The following SORL1 variants were observed in gnomAD, a reference collection of about 807,000 sequenced individuals.
The protein encoded by SORL1 is sortilin related receptor 1, also known as sortilin-related receptor.
A neutral mutation model predicts 273.7 loss-of-function variants in SORL1; 127 were observed. The observed-to-expected ratio is 0.46, with a 90% CI of 0.40 to 0.54. The LOEUF (loss-of-function observed/expected upper bound fraction) is 0.54. Ranked by LOEUF, SORL1 falls within the 20% of genes least tolerant of loss-of-function variation. The pLI, the probability that SORL1 is intolerant of heterozygous loss-of-function variation, is 0.00. For synonymous variants in SORL1, 1,031 were observed against 1,067.4 expected (o/e 0.97, Z 0.66); for missense variants, 2,494 against 2,846.1 (o/e 0.88, Z 2.81).
At chr11:121,545,823 G>A (rs1414341802) in intron 14 of SORL1, among the ~76,000 whole-genome samples, 1 of 152,224 alleles carries the variant, frequency 6.6e-6, no homozygotes, top group African/African-American at 2.4e-5. Context: ...GTGTGTATAT[G>A]TGTGTGTGTT....
intron 3 of SORL1, 89 bp downstream of exon 3, chr11:121,478,332 G>A (rs1379900010): frequency 8.5e-6 from 12 of 1,415,884 alleles, no homozygotes; most frequent in South Asian, 5.2e-5. Flanking sequence ...AGGAGATGGC[G>A]CTCTCTGTGA....
chr11:121,573,733 G>T, intron 23 of SORL1, among the ~76,000 whole-genome samples: 1 of 152,144 alleles, frequency 6.6e-6, no homozygotes, highest in East Asian at 1.9e-4. Context: ...ATTTCCCCAG[G>T]AAGAGGTAGA....
chr11:121,525,634 G>A (rs1249956805), intron 11 of SORL1, among the ~76,000 whole-genome samples: 2 of 152,162 alleles, frequency 1.3e-5, no homozygotes, highest in Non-Finnish European at 2.9e-5. Flanking sequence ...ATAAGCATGT[G>A]ATAATATCTC....
intron 23 of SORL1, among the ~76,000 whole-genome samples, chr11:121,571,149 T>C (rs985529818): frequency 2.0e-5 from 3 of 152,238 alleles, no homozygotes; most frequent in African/African-American, 7.2e-5. Flanking sequence ...GGCACTGCGA[T>C]GCGGAAGTGT....
At chr11:121,628,969 A>C (rs1863837264) in intron 47 of SORL1, 1 of 153,896 alleles carries the variant, frequency 6.5e-6, no homozygotes, top group Admixed American at 6.4e-5. Flanking sequence ...ACCCATCAGC[A>C]TACCCTGCGA....
chr11:121,520,142 A>C lies in SORL1; in HGVS notation c.1212-515A>C, dbSNP rs572030825. 2.0e-5 allele frequency among the ~76,000 whole-genome samples: 3 copies of C among 152,280 alleles called. No individual in the cohort carries two copies. In the East Asian group the frequency reaches 5.8e-4, roughly 29 times the overall value. On this transcript the variant is annotated intron_variant, in intron 8 of 47. Coordinates refer to ENST00000260197, the MANE Select transcript of SORL1 (RefSeq NM_003105.6). The stretch of plus-strand genomic sequence containing the variant: ...GTGGCACACACCTGTAGTCCCAGCT[A>C]CTTGGGAGGCTGAGGTGTGAGGATC...
In SORL1 at chr11:121,611,950, G is replaced by T. The variant is rs1024522684; in HGVS notation, c.5323-786G>T. On this transcript the variant is annotated intron_variant, in intron 39 of 47. Transcript: ENST00000260197. ...GAGGTCGGGAGTTCGAGACCAGCCT[G>T]GCCAACATGGTGAAACCCCGTCTCT... 5.2e-5 allele frequency: 8 copies of T among 152,388 alleles called. No homozygotes were observed. In the East Asian group the frequency reaches 1.4e-3, roughly 26 times the overall value. 9.4% of individuals were successfully genotyped at this position (152,388 alleles called of 1,614,324 possible).
chr11:121,561,391 C>G (rs1862671510), intron 21 of SORL1, among the ~76,000 whole-genome samples: 1 of 152,170 alleles, frequency 6.6e-6, no homozygotes, highest in African/African-American at 2.4e-5. Flanking sequence ...TGTCTTGGTG[C>G]CAGTCAGACA....
In SORL1 at chr11:121,514,238, G is replaced by A. The variant is rs766877110; in HGVS notation, c.1128G>A (p.Glu376=). 2 of 1,614,206 alleles carry A rather than the reference G, an allele frequency of 1.2e-6. No homozygotes were observed. Among genetic ancestry groups the A allele is most frequent in the South Asian group, 2.2e-5 (2 of 91,088 alleles). ...ACCGCACCAATTTATACATCTCAGA[G>A]GCAGAGGGGCTGAAGTTCTCCCTGT... is the stretch of plus-strand genomic sequence containing the variant. ...SNNRTNLYIS[E]AEGLKFSLSL... The change falls in exon 8 of 48, where the codon GAG becomes GAA. Residue 376 remains glutamate (E), a synonymous_variant. Transcript: ENST00000260197.
chr11:121,494,302 G>C (rs192245538), intron 5 of SORL1, among the ~76,000 whole-genome samples: 2 of 152,220 alleles, frequency 1.3e-5, no homozygotes, highest in East Asian at 3.9e-4. Flanking sequence ...TCTCCCCCTA[G>C]GTTTCCCCAT....
intron 33 of SORL1, among the ~76,000 whole-genome samples, 187 bp downstream of exon 33, chr11:121,604,511 C>T (rs957994474): frequency 6.6e-6 from 1 of 152,074 alleles, no homozygotes; most frequent in East Asian, 1.9e-4. Flanking sequence ...TCTGATACAA[C>T]ATGCAGCTGT....
chr11:121,566,999 A>C lies in SORL1; in HGVS notation c.3109A>C (p.Ser1037Arg), dbSNP rs1862763672. Residue 1037 changes from serine to arginine, a missense_variant, in exon 22 of 48, where the codon AGT becomes CGT. Around this residue, in one of 3 missense-constraint regions of SORL1, gnomAD observed 1,609 missense variants for 1,816.4 expected, o/e 0.89. Transcript: ENST00000260197. ...SLLCLPKANN[S>R]RSCRCPEDVS... ...GCTGTGCCTGCCCAAGGCCAACAACAGTAGAAGCTGCAGGTGTCCAGAGGA... is the reference window on the plus strand; with the variant it reads ...GCTGTGCCTGCCCAAGGCCAACAACCGTAGAAGCTGCAGGTGTCCAGAGGA... The C allele has an allele frequency of 6.2e-7, 1 of 1,614,066 alleles. No homozygotes were observed. The highest frequency in any genetic ancestry group is 1.1e-5 in the South Asian group (1 of 91,076).
chr11:121,455,925 G>T (rs1011447271), intron 1 of SORL1, among the ~76,000 whole-genome samples: 4 of 151,948 alleles, frequency 2.6e-5, no homozygotes, highest in African/African-American at 9.7e-5. Flanking sequence ...CCCCGGAGGC[G>T]GAGGTTGCAG....
chr11:121,526,146 GGGTA>G (rs1862120594), intron 11 of SORL1, among the ~76,000 whole-genome samples: 3 of 152,058 alleles, frequency 2.0e-5, no homozygotes, highest in African/African-American at 7.3e-5. Flanking sequence ...TATGATATAT[GGGTA>G]GATACTCATT....
At position 121,607,139 on chromosome 11, in the gene SORL1, T is replaced by G. The variant is rs375407408; in HGVS notation, c.5062-47T>G. The G allele has an allele frequency of 2.4e-6, 3 of 1,257,654 alleles. No individual in the cohort carries two copies. The African/African-American group carries it at 4.4e-5, about 19-fold the overall frequency. The allele number at this position is 1,257,654 out of a possible 1,614,324, so 77.9% of individuals were successfully genotyped here. A position where few individuals can be genotyped will look rare whatever the true frequency, so the allele number is the denominator to read the frequency against. On this transcript the variant is annotated intron_variant, in intron 36 of 47. Coordinates refer to ENST00000260197, the MANE Select transcript of SORL1 (RefSeq NM_003105.6). ...CTCCTTGCAAGATATTAGGATGCCCTGGACCTTTGGTTCCCTTTACTCACA... is the reference window on the plus strand; with the variant it reads ...CTCCTTGCAAGATATTAGGATGCCCGGGACCTTTGGTTCCCTTTACTCACA...
chr11:121,553,888 T>G, intron 16 of SORL1, 49 bp from the exon 17 acceptor site: 1 of 1,573,544 alleles, frequency 6.4e-7, no homozygotes, highest in Non-Finnish European at 8.7e-7. Context: ...CTAGGACCTC[T>G]TCAGCATCCC....
chr11:121,545,162 A>C, intron 13 of SORL1, 81 bp from the exon 14 acceptor site: 1 of 1,337,078 alleles, frequency 7.5e-7, no homozygotes, highest in Non-Finnish European at 1.1e-6. Flanking sequence ...GTGGGGGTTG[A>C]GGCCAGGCAC....
intron 46 of SORL1, chr11:121,626,871 C>T (rs1863802201): frequency 6.6e-6 from 1 of 152,236 alleles, no homozygotes; most frequent in Non-Finnish European, 1.5e-5. Context: ...CCTGGTGGTA[C>T]AAATCTATTA....
chr11:121,604,969 C>T, intron 33 of SORL1, 144 bp from the exon 34 acceptor site: 1 of 520,234 alleles, frequency 1.9e-6, no homozygotes, highest in Admixed American at 3.3e-5. Context: ...CGGGGTTTAG[C>T]CACATTGCCC....
Sources: gnomAD v4.1 joint callset for allele counts (sites outside exome capture counted in the v4.1 genomes callset) on GRCh38, gnomAD v4.1.1 for gene constraint, gnomAD v4.1.1 regional missense constraint, MANE v1.5 for transcripts, NCBI Gene and HGNC (gene_info 2026-07-23, HGNC 2026-07-21) for gene names.